The following LRP1B variants were observed in gnomAD, a reference collection of about 807,000 sequenced individuals.
The protein encoded by LRP1B is low-density lipoprotein receptor-related protein 1B.
A neutral mutation model predicts 556.6 loss-of-function variants in LRP1B; 217 were observed. That is an observed-to-expected ratio of 0.39 (90% CI 0.35 to 0.44). The LOEUF is 0.44. Among genes scored for constraint, LRP1B ranks in the 20% least tolerant of loss-of-function variants. The pLI is 1.00. For missense variants in LRP1B, 5,053 were observed against 5,620.8 expected, an observed-to-expected ratio of 0.90 and a Z score of 3.23; for synonymous variants, 2,047 against 1,865.8, an observed-to-expected ratio of 1.10 and a Z score of -2.50.
chr2:140,595,309 C>G (rs749569697), intron 43 of LRP1B, among the ~76,000 whole-genome samples: 26 of 151,498 alleles, frequency 1.7e-4, no homozygotes, highest in Non-Finnish European at 2.5e-4. Flanking sequence ...CTGCTCTTTT[C>G]AAGGCGAACT....
At chr2:141,946,726 G>C (rs144502549) in intron 1 of LRP1B, among the ~76,000 whole-genome samples, 1 of 152,258 alleles carries the variant, frequency 6.6e-6, no homozygotes, top group African/African-American at 2.4e-5. Context: ...TTATGATTTA[G>C]ATAGTCTGTG....
intron 32 of LRP1B, among the ~76,000 whole-genome samples, chr2:140,781,119 G>A (rs999192431): frequency 6.6e-6 from 1 of 152,148 alleles, no homozygotes; most frequent in South Asian, 2.1e-4. Flanking sequence ...ATGGTACAGG[G>A]TCAGTAAATA....
At chr2:140,880,578 T>C (rs1693441881) in intron 25 of LRP1B, among the ~76,000 whole-genome samples, 2 of 151,958 alleles carry the variant, frequency 1.3e-5, no homozygotes, top group South Asian at 4.2e-4. Flanking sequence ...AGCAAAGTCG[T>C]CAATTAAAAA....
chr2:140,351,170 T>C, intron 76 of LRP1B, 132 bp from the exon 77 acceptor site: 1 of 598,196 alleles, frequency 1.7e-6, no homozygotes, highest in Non-Finnish European at 2.8e-6. Flanking sequence ...ACCAGTTTTA[T>C]ATTGTCTTTT....
At chr2:141,515,375 C>T (rs1343542447) in intron 2 of LRP1B, among the ~76,000 whole-genome samples, 1 of 151,534 alleles carries the variant, frequency 6.6e-6, no homozygotes, top group African/African-American at 2.4e-5. Flanking sequence ...AAATCTCCTG[C>T]AGTCCCATCA....
At chr2:141,356,512 T>C (rs1329384110) in intron 3 of LRP1B, among the ~76,000 whole-genome samples, 1 of 151,374 alleles carries the variant, frequency 6.6e-6, no homozygotes, top group African/African-American at 2.4e-5. Context: ...GAGAGATGAT[T>C]TGAGCATCGT....
chr2:140,488,015 G>A (rs374754675), intron 57 of LRP1B, among the ~76,000 whole-genome samples: 24 of 151,802 alleles, frequency 1.6e-4, no homozygotes, highest in East Asian at 1.4e-3. Flanking sequence ...AGCCAGTAAC[G>A]TGAAAATAAA....
chr2:140,575,000 T>C (rs1681465480), intron 43 of LRP1B, among the ~76,000 whole-genome samples: 1 of 152,198 alleles, frequency 6.6e-6, no homozygotes, highest in South Asian at 2.1e-4. Flanking sequence ...AATTATTATA[T>C]TGTTACACTC....
intron 31 of LRP1B, among the ~76,000 whole-genome samples, chr2:140,831,458 C>G (rs1319151960): frequency 6.6e-6 from 1 of 152,102 alleles, no homozygotes; most frequent in Non-Finnish European, 1.5e-5. Flanking sequence ...GCTGGGAAAA[C>G]TAGATATCCC....
intron 1 of LRP1B, among the ~76,000 whole-genome samples, chr2:141,815,288 G>T (rs541069893): frequency 6.6e-6 from 1 of 152,214 alleles, no homozygotes. Flanking sequence ...TTTTCTCAAG[G>T]AACTGAGAAG....
chr2:140,419,355 A>G (rs1278524641), intron 66 of LRP1B, among the ~76,000 whole-genome samples: 2 of 152,232 alleles, frequency 1.3e-5, no homozygotes, highest in African/African-American at 4.8e-5. Flanking sequence ...TTATAGTCAG[A>G]TATTTCAGTA....
intron 1 of LRP1B, among the ~76,000 whole-genome samples, chr2:142,037,611 G>T (rs889037884): frequency 2.0e-5 from 3 of 151,542 alleles, no homozygotes; most frequent in Non-Finnish European, 4.4e-5. Context: ...GGACAATCTG[G>T]TTCAGGGGAA....
intron 7 of LRP1B, among the ~76,000 whole-genome samples, chr2:141,117,618 T>A (rs1023540491): frequency 6.6e-6 from 1 of 152,030 alleles, no homozygotes; most frequent in Non-Finnish European, 1.5e-5. Flanking sequence ...TAAGGAATGT[T>A]GAGCTGATAA....
chr2:141,064,229 CA>C (rs542056745), intron 7 of LRP1B, among the ~76,000 whole-genome samples: 1 of 150,342 alleles, frequency 6.7e-6, no homozygotes, highest in Non-Finnish European at 1.5e-5. Context: ...CTTTACAAAG[CA>C]AAAAAAAGAA....
chr2:140,277,334 C>T (rs1183069044), intron 84 of LRP1B, among the ~76,000 whole-genome samples: 1 of 151,896 alleles, frequency 6.6e-6, no homozygotes, highest in Non-Finnish European at 1.5e-5. Context: ...ACCTGTAATT[C>T]CAGCACTTTG....
intron 2 of LRP1B, among the ~76,000 whole-genome samples, chr2:141,531,504 G>T (rs1684869944): frequency 6.6e-6 from 1 of 152,070 alleles, no homozygotes; most frequent in African/African-American, 2.4e-5. Context: ...GGAAGCTATG[G>T]TTGCCTGCAT....
At chr2:141,333,913 C>T (rs1279570325) in intron 3 of LRP1B, among the ~76,000 whole-genome samples, 1 of 152,102 alleles carries the variant, frequency 6.6e-6, no homozygotes, top group Non-Finnish European at 1.5e-5. Flanking sequence ...AATATGTATG[C>T]AGGGGATTAA....
intron 1 of LRP1B, among the ~76,000 whole-genome samples, chr2:142,076,844 G>T (rs1392553918): frequency 1.3e-5 from 2 of 151,950 alleles, no homozygotes; most frequent in African/African-American, 4.8e-5. Flanking sequence ...ACCATGAAAT[G>T]CAATATTTAT....
intron 27 of LRP1B, among the ~76,000 whole-genome samples, chr2:140,853,703 A>G (rs2105126332): frequency 6.6e-6 from 1 of 152,304 alleles, no homozygotes; most frequent in African/African-American, 2.4e-5. Context: ...TAAATAAAGG[A>G]GAATAAGAGA....
Sources: gnomAD v4.1 joint callset for allele counts (sites outside exome capture counted in the v4.1 genomes callset) on GRCh38, gnomAD v4.1.1 for gene constraint, MANE v1.5 for transcripts, NCBI Gene and HGNC (gene_info 2026-07-23, HGNC 2026-07-21) for gene names.